Variants in DGLUCY observed in about 807,000 individuals in gnomAD.
The protein encoded by DGLUCY is D-glutamate cyclase, also known as D-glutamate cyclase, mitochondrial.
In DGLUCY, 58 loss-of-function variants were observed where a neutral mutation model predicts 58.5. The observed-to-expected ratio is 0.99, with a 90% CI of 0.80 to 1.23. The LOEUF (loss-of-function observed/expected upper bound fraction) is 1.23, where lower values mean the gene tolerates loss of function less well. Among genes scored for constraint, DGLUCY ranks in the 50% most tolerant of loss-of-function variants. The pLI is 0.00. For synonymous variants in DGLUCY, 325 were observed against 314.1 expected, an observed-to-expected ratio of 1.03 and a Z score of -0.37; for missense variants, 779 against 784.7, an observed-to-expected ratio of 0.99 and a Z score of 0.09.
At chr14:91,061,374 C>A (rs150650477) in intron 1 of DGLUCY, among the ~76,000 whole-genome samples, 2 of 152,208 alleles carry the variant, frequency 1.3e-5, no homozygotes, top group African/African-American at 4.8e-5. Flanking sequence ...AAGACTCTTA[C>A]TAGGCGCCGA....
chr14:91,195,467 G>T (rs2050144697), intron 9 of DGLUCY, among the ~76,000 whole-genome samples: 1 of 151,906 alleles, frequency 6.6e-6, no homozygotes, highest in Admixed American at 6.6e-5. Context: ...GTATCCCAAG[G>T]CACAGACTCT....
intron 1 of DGLUCY, among the ~76,000 whole-genome samples, chr14:91,131,915 TC>T: frequency 6.6e-6 from 1 of 152,200 alleles, no homozygotes; most frequent in East Asian, 1.9e-4. Flanking sequence ...TGCATCAGCC[TC>T]CCAAGTAGCT....
upstream of DGLUCY, among the ~76,000 whole-genome samples, chr14:91,103,769 T>C (rs2044533365): frequency 1.3e-5 from 2 of 151,902 alleles, no homozygotes; most frequent in Admixed American, 6.6e-5. Flanking sequence ...CTATCTCTTA[T>C]CATATATATA....
At chr14:91,169,970 G>C (rs958943215) in intron 4 of DGLUCY, 33 bp from the exon 5 acceptor site, 2 of 1,596,606 alleles carry the variant, frequency 1.3e-6, no homozygotes, top group African/African-American at 2.7e-5. Flanking sequence ...GTGAGAGTCT[G>C]GGGCCCTCCC....
chr14:91,145,556 C>A (rs750702007), intron 1 of DGLUCY, among the ~76,000 whole-genome samples: 1 of 152,148 alleles, frequency 6.6e-6, no homozygotes, highest in East Asian at 1.9e-4. Context: ...CAGGAAGTCA[C>A]GCCTAGGAGA....
chr14:91,170,640 G>A (rs984324723), intron 5 of DGLUCY, among the ~76,000 whole-genome samples: 4 of 152,152 alleles, frequency 2.6e-5, no homozygotes, highest in Non-Finnish European at 5.9e-5. Flanking sequence ...AGAAAGCTGG[G>A]TCATGTTCTT....
chr14:91,147,850 C>T (rs2047093341), intron 1 of DGLUCY: 1 of 152,214 alleles, frequency 6.6e-6, no homozygotes, highest in African/African-American at 2.4e-5. Context: ...CCAGACCAAC[C>T]AACTGAAGGT....
exon 1 of DGLUCY, chr14:91,060,430 T>A: frequency 6.8e-7 from 1 of 1,478,638 alleles, no homozygotes; most frequent in Non-Finnish European, 9.0e-7. Context: ...ACCCTCCTCC[T>A]CCATCTTCTC....
At chr14:91,109,720 A>AC (rs1173004213), upstream of DGLUCY, among the ~76,000 whole-genome samples, 1 of 152,190 alleles carries the variant, frequency 6.6e-6, no homozygotes, top group Non-Finnish European at 1.5e-5. Flanking sequence ...ATCCCATCAG[A>AC]CCAGGGCCTC....
At chr14:91,067,022 A>G (rs1368683957) in intron 1 of DGLUCY, among the ~76,000 whole-genome samples, 1 of 145,694 alleles carries the variant, frequency 6.9e-6, no homozygotes, top group South Asian at 2.2e-4. Flanking sequence ...TGGAGCTTGC[A>G]GTGAGCCCAG....
chr14:91,083,940 A>G lies in DGLUCY; in HGVS notation c.-82+23236A>G, dbSNP rs527430649. Among the ~76,000 whole-genome samples the G allele has an allele frequency of 3.3e-5, 5 of 152,144 alleles. No homozygotes were observed. The South Asian group carries it at 1.0e-3, about 32-fold the overall frequency. On this transcript the variant is annotated intron_variant, in intron 1 of 4. Coordinates refer to the DGLUCY transcript ENST00000521334. ...CTTTAATGGCTTCATAGCATAGACCACTATCCAAAATGATCTTGTTCATCT... is the reference window on the plus strand; with the variant it reads ...CTTTAATGGCTTCATAGCATAGACCGCTATCCAAAATGATCTTGTTCATCT...
At position 91,074,116 on chromosome 14, in the gene DGLUCY, TATACACACACACACACACAC is replaced by T. The variant is rs1298219423; in HGVS notation, c.-82+13414_-82+13433del. 5.7e-3 allele frequency among the ~76,000 whole-genome samples: 441 copies of T among 77,494 alleles called. 18 individuals are homozygous for T. The East Asian group carries it at 0.12, about 21-fold the overall frequency. The allele number at this position is 77,494 out of a possible 152,430, so 50.8% of individuals were successfully genotyped here. ...ACCAAAAAAAAAAAATATATATATA[TATACACACACACACACACAC>T]ACACACACACACACACACACACACA... On this transcript the variant is annotated intron_variant, in intron 1 of 4. Transcript: ENST00000521334.
intron 7 of DGLUCY, among the ~76,000 whole-genome samples, chr14:91,179,725 T>C (rs1045346594): frequency 1.3e-5 from 2 of 150,262 alleles, no homozygotes; most frequent in African/African-American, 4.9e-5. Flanking sequence ...CACTCCAACC[T>C]GGGCGACAGA....
intron 1 of DGLUCY, chr14:91,147,721 A>G (rs760967387): frequency 1.3e-5 from 2 of 152,222 alleles, no homozygotes; most frequent in Non-Finnish European, 2.9e-5. Flanking sequence ...CTGTCCCATC[A>G]TATCTGCTTC....
intron 1 of DGLUCY, among the ~76,000 whole-genome samples, chr14:91,072,792 C>T (rs909090069): frequency 2.0e-5 from 3 of 151,984 alleles, no homozygotes; most frequent in Admixed American, 6.6e-5. Context: ...GAGGCCGAGG[C>T]GGGCAGATCA....
chr14:91,141,677 C>G (rs1452179715), intron 1 of DGLUCY, among the ~76,000 whole-genome samples: 2 of 151,436 alleles, frequency 1.3e-5, no homozygotes, highest in Non-Finnish European at 2.9e-5. Context: ...TCAGCCTCAC[C>G]AGTAGCTGGG....
At chr14:91,123,461 G>C (rs992420304) in intron 1 of DGLUCY, among the ~76,000 whole-genome samples, 3 of 140,480 alleles carry the variant, frequency 2.1e-5, no homozygotes, top group Non-Finnish European at 4.6e-5. Flanking sequence ...GCGCTAGGTT[G>C]GGAGAGATGA....
chr14:91,078,677 C>T lies in DGLUCY; in HGVS notation c.-82+17973C>T, dbSNP rs574064581. ...TGTGGTAGCCCTAAATAAGCAAGAA[C>T]TGTGCCACATTGAAGTTTTGGGGTT... On this transcript the variant is annotated intron_variant, in intron 1 of 4. Transcript: ENST00000521334. Among the ~76,000 whole-genome samples, 16 of 152,240 alleles carry T rather than the reference C, an allele frequency of 1.1e-4. No individual in the cohort carries two copies. The South Asian group carries it at 3.3e-3, about 32-fold the overall frequency.
At position 91,173,323 on chromosome 14, in the gene DGLUCY, G is replaced by C. The variant is rs768220534; in HGVS notation, c.491G>C (p.Cys164Ser). The C allele has an allele frequency of 6.2e-7, 1 of 1,606,654 alleles. No individual in the cohort carries two copies. Among genetic ancestry groups the C allele is most frequent in the South Asian group, 1.1e-5 (1 of 90,858 alleles). Reference protein sequence around the residue: ...TVPCVTHAGFCCPLVVTMRPI... With the variant: ...TVPCVTHAGFSCPLVVTMRPI... ...CCTTGTGTTACCCATGCTGGCTTCTGCTGCCCTCTGGTGGTCACGATGAGG... is the reference window on the plus strand; with the variant it reads ...CCTTGTGTTACCCATGCTGGCTTCTCCTGCCCTCTGGTGGTCACGATGAGG... Residue 164 changes from cysteine to serine, a missense_variant, in exon 6 of 14, where the codon TGC (cysteine) becomes TCC (serine). Coordinates refer to ENST00000256324, the MANE Select transcript of DGLUCY (RefSeq NM_001102368.3).
Sources: allele counts gnomAD v4.1 joint callset (sites outside exome capture counted in the v4.1 genomes callset), GRCh38; gene constraint gnomAD v4.1.1; transcripts MANE v1.5; gene names NCBI Gene and HGNC (gene_info 2026-07-23, HGNC 2026-07-21).